CLCN6: variants seen among roughly 807,000 people sequenced by gnomAD.
CLCN6 encodes the protein H(+)/Cl(-) exchange transporter 6.
Under a neutral mutation model 109.8 loss-of-function variants are expected in CLCN6, and 70 were observed. The ratio of observed to expected loss-of-function variants is 0.64; its 90% CI spans 0.53 to 0.78. CLCN6 has a LOEUF of 0.78. Among genes scored for constraint, CLCN6 ranks in the 30% least tolerant of loss-of-function variants. The pLI is 0.00. For synonymous variants in CLCN6, 444 were observed against 447.8 expected (o/e 0.99, Z 0.11); for missense variants, 984 against 1,142.3 (o/e 0.86, Z 2.00).
chr1:11,824,410 T>G, intron 7 of CLCN6, 76 bp from the exon 8 acceptor site: 1 of 1,222,754 alleles, frequency 8.2e-7, no homozygotes, highest in Non-Finnish European at 1.2e-6. Flanking sequence ...ACGAGGAAGG[T>G]TTTTGTAGCC....
chr1:11,825,655 C>A (rs551858182), intron 8 of CLCN6, among the ~76,000 whole-genome samples: 1 of 152,316 alleles, frequency 6.6e-6, no homozygotes, highest in East Asian at 1.9e-4. Context: ...CGGAGTCTCA[C>A]TCTGTTGCCC....
At chr1:11,825,550 G>A (rs990022849) in intron 8 of CLCN6, among the ~76,000 whole-genome samples, 1 of 152,218 alleles carries the variant, frequency 6.6e-6, no homozygotes, top group African/African-American at 2.4e-5. Flanking sequence ...ATTTCAGAAG[G>A]TCCTAGAAAC....
Position 11,834,058 on chromosome 1 carries a change from G to A in CLCN6, c.1526+28G>A, listed in dbSNP as rs190069579. 1.0e-4 allele frequency: 165 copies of A among 1,609,536 alleles called. 1 individual carries two copies. In the East Asian group the frequency reaches 1.5e-3, roughly 15 times the overall value. On this transcript the variant is annotated intron_variant, in intron 15 of 22. Transcript: ENST00000346436. The surrounding 1 kb of genome is among the most constrained non-coding windows in gnomAD (Gnocchi z 4.5). ...ACTCTGTGTGTGTGCGTGTGTGTGC[G>A]CATGTGCATGTGTGTGCACGTGTGC...
chr1:11,808,579 G>A (rs539754369), intron 2 of CLCN6, among the ~76,000 whole-genome samples: 4 of 151,950 alleles, frequency 2.6e-5, no homozygotes, highest in African/African-American at 9.6e-5. Flanking sequence ...TCTTGTAAAT[G>A]TCATATGTAT....
rs1288747705 is a variant in CLCN6 at position 11,822,817 on chromosome 1, T to G, written c.453+16T>G. ...TCTCATTGAGGTGAGGTGGTTTGGA[T>G]TCACCTGCTCGCTTAGGAGGTTTTA... On this transcript the variant is annotated intron_variant, in intron 6 of 22. Transcript: ENST00000346436. The G allele has an allele frequency of 6.5e-7, 1 of 1,533,892 alleles. No homozygotes were observed. The highest frequency in any genetic ancestry group is 1.4e-5 in the African/African-American group (1 of 73,204).
At chr1:11,825,477 C>G (rs1644800014) in intron 8 of CLCN6, among the ~76,000 whole-genome samples, 1 of 152,236 alleles carries the variant, frequency 6.6e-6, no homozygotes, top group Non-Finnish European at 1.5e-5. Flanking sequence ...TTCCGCGTCC[C>G]CTTCCCTCAG....
chr1:11,839,399 C>A (rs1205270112), intron 22 of CLCN6, among the ~76,000 whole-genome samples: 2 of 152,160 alleles, frequency 1.3e-5, no homozygotes, highest in Non-Finnish European at 2.9e-5. Flanking sequence ...GTAGCTGGGA[C>A]CACAGGCATG....
chr1:11,829,165 G>C (rs1389790788), intron 12 of CLCN6, 31 bp from the exon 13 acceptor site: 1 of 1,604,124 alleles, frequency 6.2e-7, no homozygotes, highest in African/African-American at 1.3e-5. Flanking sequence ...TTCTTTCTGT[G>C]GCGTTGTAAC....
At chr1:11,819,657 G>A (rs1271138885) in intron 5 of CLCN6, 103 bp downstream of exon 5, 15 of 923,482 alleles carry the variant, frequency 1.6e-5, no homozygotes, top group Admixed American at 9.9e-5. Context: ...TAGAAGGGCC[G>A]CTTATTAGCT....
At position 11,826,223 on chromosome 1, in the gene CLCN6, AG is replaced by A; in HGVS notation, c.707+11del. On this transcript the variant is annotated intron_variant, in intron 9 of 22. Transcript: ENST00000346436. ...TATTTCCGAAGCGACAGGTATGGAAAGGTTAGAAATTGGTTTCTTTTTTGGA... is the reference window on the plus strand; with the variant it reads ...TATTTCCGAAGCGACAGGTATGGAAAGTTAGAAATTGGTTTCTTTTTTGGA... 6.2e-7 allele frequency: 1 copy of A among 1,611,764 alleles called. No individual in the cohort carries two copies. Among genetic ancestry groups the A allele is most frequent in the South Asian group, 1.1e-5 (1 of 91,022 alleles).
intron 2 of CLCN6, among the ~76,000 whole-genome samples, chr1:11,810,564 T>A (rs1644585295): frequency 6.6e-6 from 1 of 152,204 alleles, no homozygotes; most frequent in South Asian, 2.1e-4. Context: ...GCCATTTTGC[T>A]CGTAACCCCC....
At position 11,834,602 on chromosome 1, in the gene CLCN6, A is replaced by ATT. The variant is rs758890785; in HGVS notation, c.1793+15_1793+16dup. 6.2e-7 allele frequency: 1 copy of ATT among 1,609,172 alleles called. No individual in the cohort carries two copies. The highest frequency in any genetic ancestry group is 8.5e-7 in the Non-Finnish European group (1 of 1,175,860). On this transcript the variant is annotated intron_variant, in intron 17 of 22. Transcript: ENST00000346436. The surrounding 1 kb of genome is among the most constrained non-coding windows in gnomAD (Gnocchi z 4.5). ...GTGGAAATGGACAAGTAAGGCCATG[A>ATT]TTTTGCTCATGTCCTAGTTTCAGAA...
At chr1:11,836,421 G>T (rs1644950810) in intron 18 of CLCN6, among the ~76,000 whole-genome samples, 1 of 152,218 alleles carries the variant, frequency 6.6e-6, no homozygotes, top group African/African-American at 2.4e-5. Flanking sequence ...TGTTTACCAT[G>T]TGAGAGTATC....
chr1:11,839,026 A>G (rs904081239), intron 22 of CLCN6: 2 of 639,456 alleles, frequency 3.1e-6, no homozygotes, highest in Middle Eastern at 2.5e-4. Flanking sequence ...TGAGTTTTAC[A>G]AAGATATAAA....
At chr1:11,817,775 G>A (rs1402366551) in intron 4 of CLCN6, among the ~76,000 whole-genome samples, 3 of 152,022 alleles carry the variant, frequency 2.0e-5, no homozygotes, top group Non-Finnish European at 4.4e-5. Context: ...ACATGTGTTC[G>A]GTATAATATA....
intron 1 of CLCN6, 93 bp downstream of exon 1, chr1:11,806,442 C>G (rs1270354026): frequency 1.6e-5 from 20 of 1,217,436 alleles, no homozygotes; most frequent in Non-Finnish European, 2.2e-5. Context: ...AATCTGGGCC[C>G]GCAGGTGGCA....
At chr1:11,830,897 G>A (rs1348857751) in intron 13 of CLCN6, among the ~76,000 whole-genome samples, 6 of 151,764 alleles carry the variant, frequency 4.0e-5, no homozygotes, top group Admixed American at 1.3e-4. Flanking sequence ...GCAGTGGCGC[G>A]ATCTTGGCCC....
At chr1:11,823,010 G>C (rs139277863) in intron 6 of CLCN6, among the ~76,000 whole-genome samples, 1 of 152,282 alleles carries the variant, frequency 6.6e-6, no homozygotes, top group East Asian at 1.9e-4. Context: ...AACTTGTACA[G>C]ATTCTGGGGG....
At chr1:11,829,379 G>T in intron 13 of CLCN6, 57 bp downstream of exon 13, 1 of 1,600,986 alleles carries the variant, frequency 6.2e-7, no homozygotes, top group South Asian at 1.1e-5. Context: ...ATCCAGAAAT[G>T]TATGACCTTC....
Sources: gnomAD v4.1 joint callset for allele counts (sites outside exome capture counted in the v4.1 genomes callset) on GRCh38, gnomAD v4.1.1 for gene constraint, Gnocchi (gnomAD v3.1) non-coding constraint, MANE v1.5 for transcripts, NCBI Gene and HGNC (gene_info 2026-07-23, HGNC 2026-07-21) for gene names.